Variants in GTF2A1L observed in about 807,000 individuals in gnomAD.
The protein encoded by GTF2A1L is general transcription factor IIA subunit 1 like.
In GTF2A1L, 48 loss-of-function variants were observed where a neutral mutation model predicts 49.7. The observed-to-expected ratio is 0.97, with a 90% CI of 0.77 to 1.23. The LOEUF is 1.23. GTF2A1L is among the 50% of genes most tolerant of loss of function. GTF2A1L has a pLI of 0.00. For synonymous variants in GTF2A1L, 246 were observed against 193.5 expected, an observed-to-expected ratio of 1.27 and a Z score of -2.25; for missense variants, 736 against 564.8, an observed-to-expected ratio of 1.30 and a Z score of -3.07.
chr2:48,657,878 T>TA (rs1194528893), intron 6 of GTF2A1L, among the ~76,000 whole-genome samples: 1 of 152,204 alleles, frequency 6.6e-6, no homozygotes, highest in Admixed American at 6.5e-5. Flanking sequence ...TTTTTTCATA[T>TA]GTTTGTTGGC....
chr2:48,632,144 C>T (rs1676614688), intron 3 of GTF2A1L: 1 of 152,114 alleles, frequency 6.6e-6, no homozygotes. Flanking sequence ...AGCGTGGTCT[C>T]TTCCTTTACT....
intron 8 of GTF2A1L, among the ~76,000 whole-genome samples, chr2:48,675,779 A>T (rs1263429194): frequency 1.3e-5 from 2 of 151,884 alleles, no homozygotes; most frequent in African/African-American, 4.8e-5. Flanking sequence ...CTTAGATGCT[A>T]TACAATGATT....
chr2:48,649,599 G>C (rs760914945), intron 6 of GTF2A1L, among the ~76,000 whole-genome samples: 1 of 152,154 alleles, frequency 6.6e-6, no homozygotes, highest in Non-Finnish European at 1.5e-5. Context: ...GGTAGGATTA[G>C]TTAAGAAAAT....
intron 1 of GTF2A1L, among the ~76,000 whole-genome samples, chr2:48,619,203 T>A (rs1168355366): frequency 6.6e-6 from 1 of 152,160 alleles, no homozygotes; most frequent in African/African-American, 2.4e-5. Context: ...GCACGGTGGC[T>A]TACACCTGTA....
At chr2:48,626,299 A>C (rs896519315) in intron 3 of GTF2A1L, among the ~76,000 whole-genome samples, 6 of 143,884 alleles carry the variant, frequency 4.2e-5, no homozygotes, top group African/African-American at 1.5e-4. Context: ...AAACAAGAAA[A>C]TGTGATACCT....
At chr2:48,621,845 GA>G (rs1194750589) in intron 3 of GTF2A1L, among the ~76,000 whole-genome samples, 4 of 152,248 alleles carry the variant, frequency 2.6e-5, no homozygotes, top group African/African-American at 9.6e-5. Flanking sequence ...GCTTTTAAGG[GA>G]AATGTTTGTC....
chr2:48,675,449 G>A (rs867279974), intron 8 of GTF2A1L, among the ~76,000 whole-genome samples: 1 of 151,882 alleles, frequency 6.6e-6, no homozygotes, highest in Non-Finnish European at 1.5e-5. Context: ...ATTAACAATT[G>A]GGGGGAAAAC....
intron 7 of GTF2A1L, among the ~76,000 whole-genome samples, chr2:48,670,516 G>A (rs989821231): frequency 6.6e-6 from 1 of 152,178 alleles, no homozygotes; most frequent in Non-Finnish European, 1.5e-5. Context: ...TAGGCAATGG[G>A]AGTGGCTGTT....
At chr2:48,656,464 T>G (rs1678182772) in intron 6 of GTF2A1L, among the ~76,000 whole-genome samples, 1 of 151,924 alleles carries the variant, frequency 6.6e-6, no homozygotes, top group Non-Finnish European at 1.5e-5. Context: ...GAACATTGTT[T>G]TATGTTCTTC....
rs542155739 is a variant in GTF2A1L, at chr2:48,651,076, G to T, written c.978+4034G>T. On this transcript the variant is annotated intron_variant, in intron 6 of 8. Transcript: ENST00000403751. ...GCAAAGACTGGAAGCTGGATTTGGCGAACAAAGCTTTATCATGAAGCATCC... is the reference window on the plus strand; with the variant it reads ...GCAAAGACTGGAAGCTGGATTTGGCTAACAAAGCTTTATCATGAAGCATCC... 2.0e-5 allele frequency among the ~76,000 whole-genome samples: 3 copies of T among 152,192 alleles called. No homozygotes were observed. In the South Asian group the frequency reaches 6.2e-4, roughly 32 times the overall value.
At chr2:48,653,591 C>G (rs1460125945) in intron 6 of GTF2A1L, among the ~76,000 whole-genome samples, 5 of 152,054 alleles carry the variant, frequency 3.3e-5, no homozygotes, top group Non-Finnish European at 7.4e-5. Context: ...ATGGTTATAC[C>G]ACATTTATTT....
intron 3 of GTF2A1L, among the ~76,000 whole-genome samples, chr2:48,638,533 G>T (rs1452646756): frequency 6.6e-6 from 1 of 152,112 alleles, no homozygotes; most frequent in Non-Finnish European, 1.5e-5. Flanking sequence ...AGCCTTTCAT[G>T]TTAAAAACTC....
intron 6 of GTF2A1L, among the ~76,000 whole-genome samples, chr2:48,666,584 GGTGTGTGTGTGT>G (rs113492704): frequency 2.0e-5 from 3 of 147,042 alleles, no homozygotes; most frequent in African/African-American, 7.5e-5. Flanking sequence ...AACTTGTCAG[GGTGTGTGTGTGT>G]GTGTGTGTGT....
Position 48,628,663 on chromosome 2 carries a change from G to C in GTF2A1L, c.247+7373G>C, listed in dbSNP as rs927850750. Among the ~76,000 whole-genome samples, 24 of 143,960 alleles carry C rather than the reference G, an allele frequency of 1.7e-4. 1 individual carries two copies. The highest frequency in any genetic ancestry group is 5.2e-4 in the African/African-American group (21 of 40,410). 94.4% of individuals were successfully genotyped at this position (143,960 alleles called of 152,430 possible). ...GTGAATATTTTCTACCATCCTGTAG[G>C]TTGTCTGTTCACTCTGTTGGTAGCT... On this transcript the variant is annotated intron_variant, in intron 3 of 8. Coordinates refer to ENST00000403751, the MANE Select transcript of GTF2A1L (RefSeq NM_006872.5).
At chr2:48,674,374 C>G (rs1358457712) in intron 8 of GTF2A1L, among the ~76,000 whole-genome samples, 1 of 148,516 alleles carries the variant, frequency 6.7e-6, no homozygotes, top group African/African-American at 2.5e-5. Context: ...CATATTTAGC[C>G]TTTTTTTTTT....
intron 3 of GTF2A1L, among the ~76,000 whole-genome samples, chr2:48,640,368 G>C (rs1265042005): frequency 6.6e-6 from 1 of 152,134 alleles, no homozygotes; most frequent in Non-Finnish European, 1.5e-5. Flanking sequence ...CCATAAAAAA[G>C]AATGAGATCA....
chr2:48,649,949 C>T (rs1677752981), intron 6 of GTF2A1L, among the ~76,000 whole-genome samples: 1 of 152,124 alleles, frequency 6.6e-6, no homozygotes, highest in Non-Finnish European at 1.5e-5. Flanking sequence ...TTGTTATCCC[C>T]TCTATTTGAT....
intron 3 of GTF2A1L, among the ~76,000 whole-genome samples, chr2:48,622,015 A>T (rs1316098890): frequency 6.6e-6 from 1 of 152,222 alleles, no homozygotes; most frequent in African/African-American, 2.4e-5. Context: ...ACTCGCATAC[A>T]AACAAGTTTT....
At chr2:48,674,758 G>A (rs571028152) in intron 8 of GTF2A1L, among the ~76,000 whole-genome samples, 11 of 152,120 alleles carry the variant, frequency 7.2e-5, no homozygotes, top group African/African-American at 2.6e-4. Context: ...TAATTATGTA[G>A]TACTTTGTAT....
Sources: allele counts gnomAD v4.1 joint callset (sites outside exome capture counted in the v4.1 genomes callset), GRCh38; gene constraint gnomAD v4.1.1; transcripts MANE v1.5; gene names NCBI Gene and HGNC (gene_info 2026-07-23, HGNC 2026-07-21).